Variants in ASPRV1 observed in about 807,000 individuals in gnomAD.
ASPRV1 encodes the protein retroviral-like aspartic protease 1.
Under a neutral mutation model 11.0 loss-of-function variants are expected in ASPRV1, and 7 were observed. The ratio of observed to expected loss-of-function variants is 0.64; its 90% CI spans 0.36 to 1.20. The LOEUF is 1.20. ASPRV1 is among the 50% of genes most tolerant of loss of function. The probability of loss-of-function intolerance (pLI) is 0.02; values close to 1 mark genes in which losing one functional copy is unlikely to be tolerated. For synonymous variants in ASPRV1, 136 were observed against 138.4 expected, an observed-to-expected ratio of 0.98 and a Z score of 0.12; for missense variants, 299 against 320.0, an observed-to-expected ratio of 0.93 and a Z score of 0.50.
chr2:70,011,670 G>A, the ASPRV1 span: 1 of 152,348 alleles, frequency 6.6e-6, no homozygotes, highest in Admixed American at 6.5e-5. Flanking sequence ...AAGCATATAG[G>A]TGGAAAGGTC....
the ASPRV1 span, among the ~76,000 whole-genome samples, chr2:69,934,339 A>C: frequency 5.9e-5 from 9 of 152,186 alleles, no homozygotes; most frequent in African/African-American, 2.2e-4. Flanking sequence ...CATTCATAGA[A>C]TTTTCCAGGT....
chr2:70,074,911 T>A, the ASPRV1 span: 1 of 150,922 alleles, frequency 6.6e-6, no homozygotes, highest in Non-Finnish European at 1.5e-5. Flanking sequence ...GGTCAAGAAA[T>A]CGAGCATCCT....
the ASPRV1 span, among the ~76,000 whole-genome samples, chr2:70,054,890 G>C: frequency 6.6e-6 from 1 of 152,042 alleles, no homozygotes; most frequent in Admixed American, 6.6e-5. Flanking sequence ...AGTTAACTAA[G>C]ATATTATTTA....
the ASPRV1 span, chr2:69,938,152 G>GAGC: frequency 6.2e-7 from 1 of 1,614,126 alleles, no homozygotes; most frequent in Non-Finnish European, 8.5e-7. Flanking sequence ...ATCTGGACTG[G>GAGC]AGCAGCAGCA....
chr2:70,081,294 T>C, the ASPRV1 span: 1 of 152,052 alleles, frequency 6.6e-6, no homozygotes, highest in Non-Finnish European at 1.5e-5. Flanking sequence ...AAAAAAATTT[T>C]CCATCCTGGC....
At chr2:70,019,303 A>G in the ASPRV1 span, 2 of 152,208 alleles carry the variant, frequency 1.3e-5, no homozygotes, top group South Asian at 2.1e-4. Flanking sequence ...ACCTTTGCAC[A>G]TTACTGACGC....
Position 69,961,439 on chromosome 2 carries a change from T to C in ASPRV1, c.-3A>G. ...CTCCTGGCTCCGCTCCCGGCCATCC[T>C]GCTGCTCTCCTCTGGAACCTCAGCA... On this transcript the variant is annotated 5_prime_UTR_variant, in exon 1 of 1. Coordinates refer to ENST00000320256, the MANE Select transcript of ASPRV1 (RefSeq NM_152792.4). The C allele has an allele frequency of 4.3e-6, 7 of 1,614,116 alleles. No individual in the cohort carries two copies. The Middle Eastern group carries it at 9.9e-4, about 228-fold the overall frequency.
the ASPRV1 span, among the ~76,000 whole-genome samples, chr2:70,017,014 G>A: frequency 7.9e-5 from 12 of 151,710 alleles, no homozygotes; most frequent in African/African-American, 2.4e-4. Context: ...TTTTTTACAC[G>A]GAGTCTGGCT....
the ASPRV1 span, chr2:70,083,625 G>A: frequency 8.5e-5 from 13 of 152,298 alleles, no homozygotes; most frequent in African/African-American, 3.1e-4. Context: ...CCATGTCTCA[G>A]TGGTTTCATC....
At chr2:70,012,445 C>T in the ASPRV1 span, among the ~76,000 whole-genome samples, 6 of 152,120 alleles carry the variant, frequency 3.9e-5, no homozygotes, top group South Asian at 2.1e-4. Context: ...TGAGCCACCG[C>T]GCCCGGCCAA....
chr2:70,021,675 G>A, the ASPRV1 span, among the ~76,000 whole-genome samples: 37 of 150,126 alleles, frequency 2.5e-4, no homozygotes, highest in African/African-American at 5.9e-4. Context: ...TTAACAATAC[G>A]GTATTGTGCA....
At chr2:70,044,966 G>A in the ASPRV1 span, among the ~76,000 whole-genome samples, 5 of 152,326 alleles carry the variant, frequency 3.3e-5, no homozygotes, top group Admixed American at 1.3e-4. Context: ...GTTTTGACAC[G>A]TGTGGCCTAT....
At chr2:70,039,410 A>C in the ASPRV1 span, among the ~76,000 whole-genome samples, 3 of 152,224 alleles carry the variant, frequency 2.0e-5, no homozygotes, top group African/African-American at 7.2e-5. Context: ...AATTTGAAGA[A>C]ATCTGAAGAA....
chr2:70,076,775 G>A, the ASPRV1 span, among the ~76,000 whole-genome samples: 6 of 152,210 alleles, frequency 3.9e-5, no homozygotes, highest in East Asian at 1.9e-4. Context: ...ACAGTGTGCA[G>A]TATTGGTTGT....
the ASPRV1 span, among the ~76,000 whole-genome samples, chr2:70,078,776 C>G: frequency 1.3e-5 from 2 of 152,170 alleles, no homozygotes; most frequent in African/African-American, 2.4e-5. Context: ...GGATTTTAAT[C>G]TGGGCACCCA....
the ASPRV1 span, among the ~76,000 whole-genome samples, chr2:70,003,747 G>GA: frequency 1.3e-5 from 2 of 152,240 alleles, no homozygotes; most frequent in African/African-American, 4.8e-5. Flanking sequence ...CAGAAAGCAT[G>GA]TGTTGGAAAC....
the ASPRV1 span, among the ~76,000 whole-genome samples, chr2:70,041,665 G>A: frequency 1.4e-3 from 208 of 152,330 alleles, no homozygotes; most frequent in Non-Finnish European, 2.2e-3. Flanking sequence ...TAGTCCCAGA[G>A]TAGAAGGAAG....
the ASPRV1 span, chr2:70,070,546 C>G: frequency 6.6e-6 from 1 of 152,190 alleles, no homozygotes; most frequent in African/African-American, 2.4e-5. Context: ...GCCTGTAATC[C>G]CACCACTTTG....
At chr2:69,971,839 A>G in the ASPRV1 span, among the ~76,000 whole-genome samples, 1 of 152,160 alleles carries the variant, frequency 6.6e-6, no homozygotes, top group Non-Finnish European at 1.5e-5. Flanking sequence ...TGGCCTTGTC[A>G]AGAGGGCCAG....
Sources: allele counts gnomAD v4.1 joint callset (sites outside exome capture counted in the v4.1 genomes callset), GRCh38; gene constraint gnomAD v4.1.1; transcripts MANE v1.5; gene names NCBI Gene and HGNC (gene_info 2026-07-23, HGNC 2026-07-21).